The following ANXA10 variants were observed in gnomAD, a reference collection of about 807,000 sequenced individuals.
The protein encoded by ANXA10 is annexin A10.
A neutral mutation model predicts 53.5 loss-of-function variants in ANXA10; 49 were observed. The observed-to-expected ratio is 0.92, with a 90% confidence interval of 0.73 to 1.16. ANXA10 has a LOEUF of 1.16. Among genes scored for constraint, ANXA10 ranks in the 50% most tolerant of loss-of-function variants. The pLI, the probability that ANXA10 is intolerant of heterozygous loss-of-function variation, is 0.00. For synonymous variants in ANXA10, 131 were observed against 128.9 expected (o/e 1.02, Z -0.11); for missense variants, 393 against 394.4 (o/e 1.00, Z 0.03).
intron 5 of ANXA10, among the ~76,000 whole-genome samples, chr4:168,164,520 T>C (rs902632932): frequency 1.3e-5 from 2 of 152,074 alleles, no homozygotes; most frequent in Non-Finnish European, 2.9e-5. Context: ...TAATTACAAG[T>C]CTCTATGAGG....
chr4:168,131,802 T>C (rs1731160236), intron 2 of ANXA10, among the ~76,000 whole-genome samples: 1 of 152,204 alleles, frequency 6.6e-6, no homozygotes, highest in South Asian at 2.1e-4. Flanking sequence ...AAAATTAACA[T>C]AGCTACTCCA....
chr4:168,166,753 G>T (rs1002143645), intron 6 of ANXA10, among the ~76,000 whole-genome samples: 4 of 151,434 alleles, frequency 2.6e-5, no homozygotes, highest in African/African-American at 7.3e-5. Context: ...AGTTAGCAAA[G>T]AATTAGTAGT....
chr4:168,136,604 A>T (rs1731241408), intron 2 of ANXA10, among the ~76,000 whole-genome samples: 1 of 152,190 alleles, frequency 6.6e-6, no homozygotes, highest in African/African-American at 2.4e-5. Context: ...CACTGATGCA[A>T]GAGGTGGGCT....
Position 168,179,216 on chromosome 4 carries a change from G to A in ANXA10, c.629-1G>A, listed in dbSNP as rs572956680. ...CTTTGAATTACATCAATTTGTTAAA[G>A]TTTTCCAGGAATTTCAAAATATTTC... On this transcript the variant is annotated splice_acceptor_variant, in intron 8 of 11. Transcript: ENST00000359299. LOFTEE classifies it high-confidence loss of function. The A allele has an allele frequency of 3.1e-5, 49 of 1,590,810 alleles. 1 individual carries two copies. The African/African-American group carries it at 4.7e-4, about 15-fold the overall frequency.
intron 2 of ANXA10, among the ~76,000 whole-genome samples, chr4:168,130,421 CAGTAAT>C (rs1731139355): frequency 6.6e-6 from 1 of 151,998 alleles, no homozygotes. Flanking sequence ...AAATGTTGGT[CAGTAAT>C]TTTCTTTTCT....
intron 1 of ANXA10, among the ~76,000 whole-genome samples, chr4:168,094,008 T>C (rs1418985307): frequency 1.3e-5 from 2 of 152,172 alleles, no homozygotes; most frequent in Admixed American, 6.5e-5. Flanking sequence ...TAGGCCAGCA[T>C]GGTAAATGAT....
intron 1 of ANXA10, among the ~76,000 whole-genome samples, chr4:168,126,629 C>A (rs369673754): frequency 3.2e-4 from 48 of 152,208 alleles, no homozygotes; most frequent in African/African-American, 1.1e-3. Context: ...CTCTTCCCCC[C>A]ACACCTTCTT....
At chr4:168,099,125 C>A (rs1215655749) in intron 1 of ANXA10, among the ~76,000 whole-genome samples, 2 of 152,064 alleles carry the variant, frequency 1.3e-5, no homozygotes, top group East Asian at 1.9e-4. Flanking sequence ...ATTCTTAGTA[C>A]TGTGAATTAG....
At chr4:168,099,370 G>T (rs533403826) in intron 1 of ANXA10, among the ~76,000 whole-genome samples, 2 of 152,196 alleles carry the variant, frequency 1.3e-5, no homozygotes, top group South Asian at 2.1e-4. Context: ...AGTACCTGGG[G>T]ACACATGCAC....
intron 6 of ANXA10, among the ~76,000 whole-genome samples, chr4:168,172,988 CCA>C (rs1309500256): frequency 6.6e-6 from 1 of 152,012 alleles, no homozygotes; most frequent in East Asian, 1.9e-4. Context: ...CGGGGCTTCA[CCA>C]TATTGGCCAG....
intron 6 of ANXA10, among the ~76,000 whole-genome samples, chr4:168,169,400 TC>T (rs1731941771): frequency 6.6e-6 from 1 of 152,198 alleles, no homozygotes. Flanking sequence ...AATCCTAATA[TC>T]AAACAAGTTT....
intron 5 of ANXA10, among the ~76,000 whole-genome samples, chr4:168,164,866 A>G (rs1325917914): frequency 6.6e-6 from 1 of 152,176 alleles, no homozygotes; most frequent in East Asian, 1.9e-4. Flanking sequence ...CAAAAACAAG[A>G]CTTTTCTGAA....
chr4:168,165,003 G>A (rs1731849578), intron 5 of ANXA10, among the ~76,000 whole-genome samples: 1 of 152,182 alleles, frequency 6.6e-6, no homozygotes, highest in African/African-American at 2.4e-5. Context: ...CAGAGAATGT[G>A]AAATGACTCT....
chr4:168,156,325 A>G (rs186995140), intron 3 of ANXA10, among the ~76,000 whole-genome samples: 2 of 18,336 alleles, frequency 1.1e-4, no homozygotes, highest in South Asian at 2.7e-3. Flanking sequence ...TATAATATAT[A>G]ATATATTATA....
chr4:168,156,291 T>C (rs865948972), intron 3 of ANXA10, among the ~76,000 whole-genome samples: 5 of 65,204 alleles, frequency 7.7e-5, no homozygotes, highest in South Asian at 5.0e-4. Context: ...GTATATATTA[T>C]ATTATATTAT....
Position 168,133,429 on chromosome 4 carries a change from G to T in ANXA10, c.100+5264G>T, listed in dbSNP as rs111239437. Among the ~76,000 whole-genome samples the T allele has an allele frequency of 2.3e-3, 351 of 152,074 alleles. 1 individual carries two copies. The highest frequency in any genetic ancestry group is 8.2e-3 in the African/African-American group (341 of 41,534). ...GATGAAAAAATGGCTGAATTTTTGG[G>T]TTCTTGAGACTATAACTGATAACAA... On this transcript the variant is annotated intron_variant, in intron 2 of 11. Coordinates refer to ENST00000359299, the MANE Select transcript of ANXA10 (RefSeq NM_007193.5).
Position 168,096,364 on chromosome 4 carries a change from CTT to C in ANXA10, c.18+3648_18+3649del, listed in dbSNP as rs1391278019. Among the ~76,000 whole-genome samples the C allele has an allele frequency of 9.9e-5, 15 of 152,246 alleles. 1 individual carries two copies. The highest frequency in any genetic ancestry group is 3.1e-4 in the African/African-American group (13 of 41,554). ...GACTACATTGTCTGAACTTTACACA[CTT>C]TGATTCAACAAAAGTTTTGAATCAT... On this transcript the variant is annotated intron_variant, in intron 1 of 11. Coordinates refer to ENST00000359299, the MANE Select transcript of ANXA10 (RefSeq NM_007193.5).
chr4:168,105,297 C>T (rs1730702485), intron 1 of ANXA10, among the ~76,000 whole-genome samples: 1 of 151,984 alleles, frequency 6.6e-6, no homozygotes, highest in South Asian at 2.1e-4. Flanking sequence ...GCCCCAGTTT[C>T]TGTTGTTCCC....
At chr4:168,127,549 ATACT>A (rs1313132341) in intron 1 of ANXA10, among the ~76,000 whole-genome samples, 2 of 152,126 alleles carry the variant, frequency 1.3e-5, no homozygotes, top group Non-Finnish European at 2.9e-5. Flanking sequence ...CCTTAAAAAA[ATACT>A]TACTGTTTGT....
Sources: allele counts gnomAD v4.1 joint callset (sites outside exome capture counted in the v4.1 genomes callset), GRCh38; gene constraint gnomAD v4.1.1; transcripts MANE v1.5; gene names NCBI Gene and HGNC (gene_info 2026-07-23, HGNC 2026-07-21).